The following FBXO31 variants were observed in gnomAD, a reference collection of about 807,000 sequenced individuals.
FBXO31 encodes the protein F-box only protein 31.
Under a neutral mutation model 54.4 loss-of-function variants are expected in FBXO31, and 24 were observed. That is an observed-to-expected ratio of 0.44 (90% CI 0.32 to 0.62). The LOEUF (loss-of-function observed/expected upper bound fraction) is 0.62. FBXO31 is among the 20% of genes least tolerant of loss of function. FBXO31 has a pLI of 0.05. For missense variants in FBXO31, 665 were observed against 787.1 expected (o/e 0.84, Z 1.86); for synonymous variants, 388 against 335.6 (o/e 1.16, Z -1.71).
intron 1 of FBXO31, among the ~76,000 whole-genome samples, chr16:87,366,593 G>A (rs1567483556): frequency 6.6e-6 from 1 of 152,330 alleles, no homozygotes; most frequent in East Asian, 1.9e-4. Flanking sequence ...CCTGGAAACA[G>A]CCAGGGAGCA....
In FBXO31 at chr16:87,335,535, A is replaced by G. The variant is rs1257367733; in HGVS notation, c.843-78T>C. On this transcript the variant is annotated intron_variant, in intron 6 of 8. Coordinates refer to ENST00000311635, the MANE Select transcript of FBXO31 (RefSeq NM_024735.5). The surrounding 1 kb of genome is among the most constrained non-coding windows in gnomAD (Gnocchi z 5.7). The stretch of plus-strand genomic sequence containing the variant: ...GAGAACGCCCAAGGTGCCAGGGATG[A>G]GCTTTGCAGGGCGGGGTAGGGCGGG... 5 of 753,660 alleles carry G rather than the reference A, an allele frequency of 6.6e-6. No individual in the cohort carries two copies. The African/African-American group carries it at 7.2e-5, about 11-fold the overall frequency. 46.7% of individuals were successfully genotyped at this position (753,660 alleles called of 1,614,324 possible). A position where few individuals can be genotyped will look rare whatever the true frequency, so the allele number is the denominator to read the frequency against.
At chr16:87,334,497 T>C (rs565099049) in intron 7 of FBXO31, among the ~76,000 whole-genome samples, 48 of 152,298 alleles carry the variant, frequency 3.2e-4, no homozygotes, top group African/African-American at 1.1e-3. Context: ...GGACGGTGGC[T>C]CATACCTGCT....
chr16:87,373,190 G>A (rs1239062491), intron 1 of FBXO31, among the ~76,000 whole-genome samples: 2 of 151,128 alleles, frequency 1.3e-5, no homozygotes, highest in South Asian at 2.1e-4. Flanking sequence ...AGTGGCTCAC[G>A]CCTGTAATCC....
intron 2 of FBXO31, among the ~76,000 whole-genome samples, chr16:87,350,500 C>T (rs537405375): frequency 6.6e-6 from 1 of 152,158 alleles, no homozygotes; most frequent in African/African-American, 2.4e-5. Flanking sequence ...GGTGTGTGAT[C>T]AGGAACCATA....
chr16:87,333,839 G>A (rs766796337), intron 8 of FBXO31, 47 bp downstream of exon 8: 19 of 1,543,910 alleles, frequency 1.2e-5, no homozygotes, highest in Non-Finnish European at 1.7e-5. Flanking sequence ...CCTCGCTGAA[G>A]CCCATGCTGT....
In FBXO31 at chr16:87,327,521, T is replaced by G. The variant is rs1461212608; in HGVS notation, c.*3767A>C. The G allele has an allele frequency of 2.6e-5, 4 of 152,276 alleles. No homozygotes were observed. Among genetic ancestry groups the G allele is most frequent in the African/African-American group, 9.6e-5 (4 of 41,508 alleles). 9.4% of individuals were successfully genotyped at this position (152,276 alleles called of 1,614,324 possible). A position where few individuals can be genotyped will look rare whatever the true frequency, so the allele number is the denominator to read the frequency against. On this transcript the variant is annotated 3_prime_UTR_variant, in exon 9 of 9. Coordinates refer to ENST00000311635, the MANE Select transcript of FBXO31 (RefSeq NM_024735.5). ...AAAACAAGTTAGCCAAGCATGGTGG[T>G]GGTGGGTGCCTGTGGTCCCAGCTAC...
At chr16:87,371,586 CA>C (rs978542696) in intron 1 of FBXO31, among the ~76,000 whole-genome samples, 14 of 152,388 alleles carry the variant, frequency 9.2e-5, no homozygotes, top group Non-Finnish European at 2.1e-4. Context: ...GCGTTCCTGT[CA>C]AAGGACGCTG....
intron 5 of FBXO31, among the ~76,000 whole-genome samples, chr16:87,341,370 A>G (rs1313169836): frequency 2.6e-5 from 4 of 152,328 alleles, no homozygotes; most frequent in South Asian, 2.1e-4. Context: ...AATGTGAACC[A>G]TAAGGCCAGG....
chr16:87,356,187 C>G (rs1259108422), intron 2 of FBXO31, among the ~76,000 whole-genome samples: 1 of 150,838 alleles, frequency 6.6e-6, no homozygotes, highest in Non-Finnish European at 1.5e-5. Flanking sequence ...TGAGATCACA[C>G]CACTGCACTC....
intron 7 of FBXO31, 97 bp from the exon 8 acceptor site, chr16:87,334,383 T>G: frequency 1.7e-6 from 2 of 1,164,994 alleles, no homozygotes; most frequent in Non-Finnish European, 2.4e-6. Flanking sequence ...CTGAGCGAGC[T>G]GGCACCAGCC....
chr16:87,356,253 G>C (rs1905887209), intron 2 of FBXO31, among the ~76,000 whole-genome samples: 1 of 150,434 alleles, frequency 6.6e-6, no homozygotes, highest in Non-Finnish European at 1.5e-5. Flanking sequence ...AGAAAAGAAA[G>C]AAAGAAAAGA....
intron 2 of FBXO31, among the ~76,000 whole-genome samples, chr16:87,350,644 G>A (rs1055806336): frequency 6.6e-6 from 1 of 152,148 alleles, no homozygotes; most frequent in Non-Finnish European, 1.5e-5. Flanking sequence ...GGGCGGCTGG[G>A]TGATAACAAA....
chr16:87,367,896 C>G (rs1011882904), intron 1 of FBXO31: 1 of 152,246 alleles, frequency 6.6e-6, no homozygotes, highest in Non-Finnish European at 1.5e-5. Context: ...TTGCTGAAGG[C>G]TGGTGACTTA....
At chr16:87,367,737 A>G (rs937541608) in intron 1 of FBXO31, 5 of 152,156 alleles carry the variant, frequency 3.3e-5, no homozygotes, top group African/African-American at 1.2e-4. Context: ...GCTGCAGACA[A>G]GATGCTCTGA....
chr16:87,379,980 A>G (rs1907001684), intron 1 of FBXO31, among the ~76,000 whole-genome samples: 1 of 148,218 alleles, frequency 6.7e-6, no homozygotes, highest in Non-Finnish European at 1.5e-5. Context: ...CCTGGGCAAG[A>G]GAGCGAGACT....
In FBXO31 at chr16:87,338,302, C is replaced by G. The variant is rs1905091930; in HGVS notation, c.733-2038G>C. Among the ~76,000 whole-genome samples the G allele has an allele frequency of 6.6e-6, 1 of 152,044 alleles. No individual in the cohort carries two copies. On this transcript the variant is annotated intron_variant, in intron 5 of 8. Transcript: ENST00000311635. The surrounding 1 kb of genome is among the most constrained non-coding windows in gnomAD (Gnocchi z 4.3). ...GATCAACTTCACGTTGACCCAGGGC[C>G]TGCTCACTCAACACATTGTACTCGC... is the stretch of plus-strand genomic sequence containing the variant.
chr16:87,385,077 T>A (rs1250314320), upstream of FBXO31, among the ~76,000 whole-genome samples: 1 of 151,684 alleles, frequency 6.6e-6, no homozygotes, highest in Non-Finnish European at 1.5e-5. Flanking sequence ...TCTAGCACTT[T>A]GGGAGGCCGA....
intron 2 of FBXO31, among the ~76,000 whole-genome samples, chr16:87,351,408 G>T (rs181773437): frequency 1.3e-5 from 2 of 151,958 alleles, no homozygotes; most frequent in South Asian, 2.1e-4. Context: ...GGCTCTGGTG[G>T]CGGGGGAAAG....
Position 87,342,862 on chromosome 16 carries a change from G to T in FBXO31, c.732+15C>A, listed in dbSNP as rs369736097. The T allele has an allele frequency of 6.3e-7, 1 of 1,590,190 alleles. No individual in the cohort carries two copies. The highest frequency in any genetic ancestry group is 2.3e-5 in the East Asian group (1 of 44,132). On this transcript the variant is annotated intron_variant, in intron 5 of 8. Transcript: ENST00000311635. ...GTCCGCACCATATGAACACAGGGCCGGCTGGTGGGCTCACCTCCTGCCTCC... is the reference window on the plus strand; with the variant it reads ...GTCCGCACCATATGAACACAGGGCCTGCTGGTGGGCTCACCTCCTGCCTCC...
Sources: gnomAD v4.1 joint callset for allele counts (sites outside exome capture counted in the v4.1 genomes callset) on GRCh38, gnomAD v4.1.1 for gene constraint, Gnocchi (gnomAD v3.1) non-coding constraint, MANE v1.5 for transcripts, NCBI Gene and HGNC (gene_info 2026-07-23, HGNC 2026-07-21) for gene names.